Variants in GABRA2 observed in about 807,000 individuals in gnomAD.
GABRA2 encodes the protein gamma-aminobutyric acid receptor subunit alpha-2.
Under a neutral mutation model 48.7 loss-of-function variants are expected in GABRA2, and 16 were observed. That is an observed-to-expected ratio of 0.33 (90% CI 0.22 to 0.50). The LOEUF (loss-of-function observed/expected upper bound fraction) is 0.50. GABRA2 is among the 20% of genes least tolerant of loss of function. The pLI, the probability that GABRA2 is intolerant of heterozygous loss-of-function variation, is 0.98. For synonymous variants in GABRA2, 185 were observed against 184.5 expected (o/e 1.00, Z -0.02); for missense variants, 275 against 535.6 (o/e 0.51, Z 4.80).
At chr4:46,389,031 T>G in intron 1 of GABRA2, 1 of 1,130,628 alleles carries the variant, frequency 8.8e-7, no homozygotes, top group Non-Finnish European at 1.1e-6. Flanking sequence ...AACACTGTTT[T>G]GCGCACACGT....
intron 4 of GABRA2, among the ~76,000 whole-genome samples, chr4:46,322,149 C>T (rs1022438417): frequency 6.6e-6 from 1 of 151,308 alleles, no homozygotes; most frequent in African/African-American, 2.4e-5. Context: ...TAGATCTTGG[C>T]CTGTCTCCAC....
At chr4:46,333,715 AAAT>A (rs1315952658) in intron 3 of GABRA2, among the ~76,000 whole-genome samples, 2 of 152,128 alleles carry the variant, frequency 1.3e-5, no homozygotes, top group Non-Finnish European at 2.9e-5. Flanking sequence ...AAAGCACCTG[AAAT>A]ATTATAATCT....
chr4:46,343,942 A>G (rs428256), intron 3 of GABRA2, among the ~76,000 whole-genome samples: 70,053 of 151,192 alleles, frequency 0.46, 16,339 homozygotes, highest in East Asian at 0.56. Context: ...TATCCCTAAA[A>G]AGAGAAAAGT....
intron 3 of GABRA2, among the ~76,000 whole-genome samples, chr4:46,369,691 C>T (rs1475969944): frequency 1.3e-5 from 2 of 152,092 alleles, no homozygotes; most frequent in Non-Finnish European, 2.9e-5. Context: ...AAAAATATTA[C>T]ACATAGTATT....
At chr4:46,260,916 T>A (rs1716830067) in intron 9 of GABRA2, 1 of 151,900 alleles carries the variant, frequency 6.6e-6, no homozygotes, top group African/African-American at 2.4e-5. Context: ...CATTTACTGC[T>A]TGTATATTTA....
intron 8 of GABRA2, among the ~76,000 whole-genome samples, chr4:46,277,868 G>A (rs946057886): frequency 1.3e-5 from 2 of 152,082 alleles, no homozygotes; most frequent in African/African-American, 4.8e-5. Flanking sequence ...TGCTTTACCA[G>A]ATCTCCTGAT....
intron 3 of GABRA2, among the ~76,000 whole-genome samples, chr4:46,379,477 G>A (rs1206389234): frequency 2.6e-5 from 4 of 152,248 alleles, no homozygotes; most frequent in East Asian, 1.9e-4. Context: ...ATTTACATAC[G>A]TGCGAAATCA....
At chr4:46,371,957 A>T (rs1444381869) in intron 3 of GABRA2, among the ~76,000 whole-genome samples, 2 of 152,182 alleles carry the variant, frequency 1.3e-5, no homozygotes, top group Admixed American at 1.3e-4. Context: ...TGCTGCACAA[A>T]GTGTGGCGCA....
In GABRA2 at chr4:46,246,312, ATAT is replaced by A. The variant is rs1448865573; in HGVS notation, c.*3993_*3995del. Among the ~76,000 whole-genome samples the A allele has an allele frequency of 1.3e-5, 2 of 150,924 alleles. No individual in the cohort carries two copies. The highest frequency in any genetic ancestry group is 4.8e-5 in the African/African-American group (2 of 41,284). On this transcript the variant is annotated 3_prime_UTR_variant, in exon 10 of 10. Coordinates refer to ENST00000381620, the MANE Select transcript of GABRA2 (RefSeq NM_000807.4). Reference sequence around the variant, plus strand: ...CTTTAATATAAATTTTAACAGCAAAATATTATGGATATTAAATAATTATGTTAA... The same window carrying A: ...CTTTAATATAAATTTTAACAGCAAAATATGGATATTAAATAATTATGTTAA...
intron 3 of GABRA2, 62 bp downstream of exon 3, chr4:46,386,012 T>C: frequency 1.1e-6 from 1 of 939,686 alleles, no homozygotes; most frequent in Non-Finnish European, 1.7e-6. Flanking sequence ...AATAGGAATA[T>C]TACCCTTAAC....
rs1471862833 is a variant in GABRA2 at position 46,332,481 on chromosome 4, T to C, written c.255+134A>G. ...CCATAGATCCAAACATCTTTAACTA[T>C]CCATGTATTTGAGTAGACTAAATAG... On this transcript the variant is annotated intron_variant, in intron 4 of 9. Transcript: ENST00000381620. The C allele has an allele frequency of 5.8e-5, 33 of 572,830 alleles. 1 individual carries two copies. In the East Asian group the frequency reaches 9.1e-4, roughly 16 times the overall value. 35.5% of individuals were successfully genotyped at this position (572,830 alleles called of 1,614,324 possible).
rs145741461 is a variant in GABRA2, at chr4:46,253,225, C to T, written c.1060-2621G>A. Among the ~76,000 whole-genome samples, 4 of 151,326 alleles carry T rather than the reference C, an allele frequency of 2.6e-5. No homozygotes were observed. The East Asian group carries it at 7.8e-4, about 30-fold the overall frequency. On this transcript the variant is annotated intron_variant, in intron 9 of 9. Coordinates refer to ENST00000381620, the MANE Select transcript of GABRA2 (RefSeq NM_000807.4). ...CTAGAAACCCTATACTAATTTTAAC[C>T]AATATTTTCTTGCCCCTCACTTGAA... is the stretch of plus-strand genomic sequence containing the variant.
chr4:46,309,319 T>C (rs1227922444), intron 6 of GABRA2, among the ~76,000 whole-genome samples: 1 of 152,058 alleles, frequency 6.6e-6, no homozygotes, highest in African/African-American at 2.4e-5. Flanking sequence ...CAATACATAG[T>C]TTTAATCAGA....
At chr4:46,292,677 G>A (rs929811143) in intron 8 of GABRA2, among the ~76,000 whole-genome samples, 1 of 152,178 alleles carries the variant, frequency 6.6e-6, no homozygotes, top group Non-Finnish European at 1.5e-5. Context: ...ATGGCCCACT[G>A]TGAGTGAGCT....
At chr4:46,311,077 C>A (rs1007771834) in intron 5 of GABRA2, among the ~76,000 whole-genome samples, 23 of 152,020 alleles carry the variant, frequency 1.5e-4, no homozygotes, top group African/African-American at 5.3e-4. Context: ...CAATATATTC[C>A]AAAATTATAT....
At chr4:46,253,868 G>A (rs1715287128) in intron 9 of GABRA2, among the ~76,000 whole-genome samples, 1 of 151,252 alleles carries the variant, frequency 6.6e-6, no homozygotes. Context: ...ATTTTAAAGG[G>A]GAAAATAAGT....
At chr4:46,315,938 T>TACACAC (rs746345628) in intron 4 of GABRA2, among the ~76,000 whole-genome samples, 124 of 140,824 alleles carry the variant, frequency 8.8e-4, no homozygotes, top group East Asian at 3.0e-3. Context: ...ATTTAGTACA[T>TACACAC]ATATACACAC....
chr4:46,294,321 C>T (rs141630818), intron 8 of GABRA2, among the ~76,000 whole-genome samples: 1 of 152,286 alleles, frequency 6.6e-6, no homozygotes, highest in Non-Finnish European at 1.5e-5. Flanking sequence ...GCACTTCTAC[C>T]TCAGTAAAAT....
At chr4:46,272,114 T>C (rs1719450617) in intron 8 of GABRA2, among the ~76,000 whole-genome samples, 1 of 152,040 alleles carries the variant, frequency 6.6e-6, no homozygotes. Flanking sequence ...CTCCTAATGC[T>C]GCAGTATATA....
Sources: allele counts gnomAD v4.1 joint callset (sites outside exome capture counted in the v4.1 genomes callset), GRCh38; gene constraint gnomAD v4.1.1; transcripts MANE v1.5; gene names NCBI Gene and HGNC (gene_info 2026-07-23, HGNC 2026-07-21).